Variants in PAPPA2 observed in about 807,000 individuals in gnomAD.
PAPPA2 encodes pappalysin-2.
In PAPPA2, 86 loss-of-function variants were observed where a neutral mutation model predicts 176.4. That is an observed-to-expected ratio of 0.49 (90% confidence interval 0.41 to 0.58). The LOEUF (loss-of-function observed/expected upper bound fraction) is 0.58. Among genes scored for constraint, PAPPA2 ranks in the 20% least tolerant of loss-of-function variants. The pLI is 0.00. For synonymous variants in PAPPA2, 809 were observed against 852.2 expected (o/e 0.95, Z 0.88); for missense variants, 2,073 against 2,256.9 (o/e 0.92, Z 1.65).
intron 2 of PAPPA2, among the ~76,000 whole-genome samples, chr1:176,564,832 A>G (rs1182950952): frequency 1.3e-5 from 2 of 151,522 alleles, no homozygotes; most frequent in Admixed American, 1.3e-4. Context: ...ACTTATCTCA[A>G]CCTATTATCT....
chr1:176,766,620 A>C (rs1199298086), intron 15 of PAPPA2, among the ~76,000 whole-genome samples: 2 of 152,236 alleles, frequency 1.3e-5, no homozygotes, highest in African/African-American at 4.8e-5. Context: ...GCAAAATGAT[A>C]GGTACATAGC....
chr1:176,788,826 A>C (rs1665051653), intron 17 of PAPPA2, among the ~76,000 whole-genome samples: 1 of 152,248 alleles, frequency 6.6e-6, no homozygotes, highest in Non-Finnish European at 1.5e-5. Flanking sequence ...CAAATGGAGC[A>C]GTCATCTCAG....
chr1:176,624,200 TG>T (rs1655877878), intron 3 of PAPPA2, among the ~76,000 whole-genome samples: 1 of 152,224 alleles, frequency 6.6e-6, no homozygotes, highest in African/African-American at 2.4e-5. Context: ...AATATTTCAC[TG>T]AAGACCACCT....
intron 1 of PAPPA2, among the ~76,000 whole-genome samples, chr1:176,491,724 A>G (rs972444366): frequency 6.6e-6 from 1 of 152,220 alleles, no homozygotes; most frequent in Non-Finnish European, 1.5e-5. Context: ...CCTTAAAAGC[A>G]TTAGTAGTTA....
chr1:176,522,433 A>C, intron 1 of PAPPA2, among the ~76,000 whole-genome samples: 1 of 152,190 alleles, frequency 6.6e-6, no homozygotes, highest in East Asian at 1.9e-4. Flanking sequence ...TCATTTTCTC[A>C]TATAGAACAG....
chr1:176,723,052 C>T (rs765115715), intron 12 of PAPPA2, among the ~76,000 whole-genome samples: 6 of 152,124 alleles, frequency 3.9e-5, no homozygotes, highest in Non-Finnish European at 7.3e-5. Context: ...TGCTCAACAT[C>T]GGGTGAAAGC....
At chr1:176,733,467 G>A (rs952428619) in intron 12 of PAPPA2, among the ~76,000 whole-genome samples, 2 of 151,964 alleles carry the variant, frequency 1.3e-5, no homozygotes, top group Non-Finnish European at 1.5e-5. Flanking sequence ...TTATTCTGAG[G>A]GTAAAGCACT....
At chr1:176,656,549 G>A (rs1658045075) in intron 3 of PAPPA2, among the ~76,000 whole-genome samples, 1 of 151,784 alleles carries the variant, frequency 6.6e-6, no homozygotes, top group South Asian at 2.1e-4. Context: ...TTTAAAAATA[G>A]GAAGCTTTTC....
At chr1:176,705,027 A>G (rs868401611) in intron 9 of PAPPA2, among the ~76,000 whole-genome samples, 49 of 152,344 alleles carry the variant, frequency 3.2e-4, no homozygotes, top group Middle Eastern at 3.4e-3. Context: ...TATCTTCAAA[A>G]TGAAAATATA....
intron 1 of PAPPA2, among the ~76,000 whole-genome samples, chr1:176,503,229 ATCTT>A (rs895522008): frequency 3.3e-5 from 5 of 152,074 alleles, no homozygotes; most frequent in African/African-American, 1.2e-4. Context: ...GACTGGCTGA[ATCTT>A]TCTTATATTT....
intron 3 of PAPPA2, among the ~76,000 whole-genome samples, chr1:176,599,702 C>T (rs1461827488): frequency 6.6e-6 from 1 of 151,474 alleles, no homozygotes; most frequent in Non-Finnish European, 1.5e-5. Context: ...TGTGTTATAT[C>T]CGATGCATCT....
At chr1:176,616,083 G>A (rs1047155299) in intron 3 of PAPPA2, among the ~76,000 whole-genome samples, 5 of 152,172 alleles carry the variant, frequency 3.3e-5, no homozygotes, top group Admixed American at 2.0e-4. Flanking sequence ...GTCTAAATAG[G>A]TTGACTGTAA....
At chr1:176,483,104 A>G (rs1283402902) in intron 1 of PAPPA2, among the ~76,000 whole-genome samples, 2 of 152,092 alleles carry the variant, frequency 1.3e-5, no homozygotes, top group Admixed American at 1.3e-4. Flanking sequence ...GTGCCATTGG[A>G]CATACTGGAT....
chr1:176,713,009 G>T (rs1356252839), intron 12 of PAPPA2, among the ~76,000 whole-genome samples: 1 of 152,020 alleles, frequency 6.6e-6, no homozygotes, highest in Admixed American at 6.6e-5. Context: ...ATTTTCCATT[G>T]AGTTGTCTGT....
At chr1:176,755,591 G>A (rs1471942292) in intron 14 of PAPPA2, among the ~76,000 whole-genome samples, 2 of 152,228 alleles carry the variant, frequency 1.3e-5, no homozygotes, top group African/African-American at 4.8e-5. Context: ...TAGAGAGAGA[G>A]TCAGCAGTGC....
At chr1:176,678,359 T>A (rs1188245230) in intron 4 of PAPPA2, among the ~76,000 whole-genome samples, 2 of 152,104 alleles carry the variant, frequency 1.3e-5, no homozygotes, top group African/African-American at 4.8e-5. Context: ...TTTACTTTCG[T>A]AAGTGTCTTC....
intron 21 of PAPPA2, among the ~76,000 whole-genome samples, chr1:176,810,228 A>T (rs1463372926): frequency 6.6e-6 from 1 of 152,164 alleles, no homozygotes; most frequent in Non-Finnish European, 1.5e-5. Flanking sequence ...ACTTCAAGAC[A>T]GAATTCAGGC....
rs1318419877 is a variant in PAPPA2, at chr1:176,702,657, G to T, written c.3287G>T (p.Gly1096Val). The T allele has an allele frequency of 6.2e-7, 1 of 1,614,060 alleles. No individual in the cohort carries two copies. The highest frequency in any genetic ancestry group is 2.2e-5 in the East Asian group (1 of 44,868). The change falls in exon 9 of 23, where the codon GGA (glycine) becomes GTA (valine). Residue 1096 changes from glycine (G) to valine (V), a missense_variant. This residue lies in a region of PAPPA2 where 846 missense variants were observed against 857.9 expected (regional missense o/e 0.99). Transcript: ENST00000367662. ...MYQYQVLAEA[G>V]GELGEASPPL... ...CAGTACCAAGTTCTAGCTGAAGCTG[G>T]AGGAGAACTGGGAGAAGCTTCGCCT...
chr1:176,553,002 T>C (rs189829256), intron 1 of PAPPA2, among the ~76,000 whole-genome samples: 1 of 152,136 alleles, frequency 6.6e-6, no homozygotes, highest in East Asian at 1.9e-4. Context: ...CTATATAAAT[T>C]TGGGTTTCCC....
Sources: gnomAD v4.1 joint callset for allele counts (sites outside exome capture counted in the v4.1 genomes callset) on GRCh38, gnomAD v4.1.1 for gene constraint, gnomAD v4.1.1 regional missense constraint, MANE v1.5 for transcripts, NCBI Gene and HGNC (gene_info 2026-07-23, HGNC 2026-07-21) for gene names.